The following DDHD2 variants were observed in gnomAD, a reference collection of about 807,000 sequenced individuals.
DDHD2 encodes triacylglycerol hydrolase DDHD2.
DDHD2 carries 62 observed loss-of-function variants against 91.2 expected under a neutral mutation model. The ratio of observed to expected loss-of-function variants is 0.68; its 90% CI spans 0.55 to 0.84. DDHD2 has a LOEUF of 0.84. DDHD2 is among the 40% of genes least tolerant of loss of function. DDHD2 has a pLI of 0.00. For missense variants in DDHD2, 740 were observed against 846.9 expected (o/e 0.87, Z 1.57); for synonymous variants, 271 against 293.9 (o/e 0.92, Z 0.80).
chr8:38,255,721 C>T (rs777768696), intron 16 of DDHD2, among the ~76,000 whole-genome samples: 4 of 151,560 alleles, frequency 2.6e-5, no homozygotes, highest in South Asian at 2.1e-4. Context: ...CATAGTCTTC[C>T]GTTATGTAAA....
chr8:38,233,454 T>G (rs977393245), intron 2 of DDHD2, among the ~76,000 whole-genome samples: 16 of 151,958 alleles, frequency 1.1e-4, no homozygotes, highest in Admixed American at 9.2e-4. Context: ...ACCCAATAAT[T>G]TTTTTTTCCT....
chr8:38,253,205 A>C, intron 15 of DDHD2, 78 bp downstream of exon 15: 1 of 1,343,456 alleles, frequency 7.4e-7, no homozygotes, highest in Non-Finnish European at 1.0e-6. Context: ...AGTTAATTTA[A>C]TTTAATTTCA....
intron 15 of DDHD2, 118 bp downstream of exon 15, chr8:38,253,245 T>A: frequency 8.6e-7 from 1 of 1,159,862 alleles, no homozygotes; most frequent in Non-Finnish European, 1.2e-6. Context: ...TATTGCATTC[T>A]TTTGCTTTAG....
intron 16 of DDHD2, among the ~76,000 whole-genome samples, chr8:38,258,034 G>A (rs1806670303): frequency 6.6e-6 from 1 of 152,030 alleles, no homozygotes; most frequent in Non-Finnish European, 1.5e-5. Flanking sequence ...TCACAGGCAT[G>A]ATCTTAGTGC....
chr8:38,238,519 A>G, intron 5 of DDHD2: 3 of 1,099,426 alleles, frequency 2.7e-6, no homozygotes, highest in Non-Finnish European at 3.3e-6. Flanking sequence ...AGAAATTTAT[A>G]CCTGGTAATA....
intron 1 of DDHD2, chr8:38,268,302 G>A (rs1808028744): frequency 2.2e-6 from 3 of 1,376,902 alleles, no homozygotes; most frequent in Admixed American, 2.0e-5. Flanking sequence ...GGCTCACCGT[G>A]GCTGAATCCC....
At chr8:38,236,343 T>G (rs1804748574) in intron 3 of DDHD2, among the ~76,000 whole-genome samples, 2 of 150,512 alleles carry the variant, frequency 1.3e-5, no homozygotes, top group African/African-American at 2.4e-5. Context: ...TTTTTTTGCT[T>G]TTTTTGTTTT....
At chr8:38,264,741 T>G (rs765132255), downstream of DDHD2, 204 of 1,447,920 alleles carry the variant, frequency 1.4e-4, 2 homozygotes, top group Admixed American at 1.2e-3. Flanking sequence ...ACTTATGATT[T>G]CTAAATAAAA....
intron 16 of DDHD2, among the ~76,000 whole-genome samples, chr8:38,254,573 T>A (rs2130859852): frequency 6.6e-6 from 1 of 152,206 alleles, no homozygotes; most frequent in South Asian, 2.1e-4. Flanking sequence ...GGTTTCGCCA[T>A]GTTGCCCAGG....
chr8:38,272,352 A>G (rs1442921605), downstream of DDHD2: 1 of 152,252 alleles, frequency 6.6e-6, no homozygotes, highest in Admixed American at 6.5e-5. Flanking sequence ...TAAAACAAAA[A>G]TGAAAATAAA....
intron 6 of DDHD2, chr8:38,242,023 C>T: frequency 7.5e-6 from 3 of 399,132 alleles, no homozygotes; most frequent in Non-Finnish European, 1.3e-5. Context: ...CACTGCACCC[C>T]AGCTTGGGTT....
At chr8:38,272,040 A>C (rs867442798), downstream of DDHD2, 2 of 152,274 alleles carry the variant, frequency 1.3e-5, no homozygotes, top group African/African-American at 4.8e-5. Context: ...CTCAAAAAGG[A>C]AATTCCACTT....
intron 10 of DDHD2, 75 bp downstream of exon 10, chr8:38,247,910 C>T: frequency 2.7e-6 from 3 of 1,129,046 alleles, no homozygotes; most frequent in Non-Finnish European, 3.7e-6. Context: ...TAAGAGCCTA[C>T]CCTTTAGACA....
downstream of DDHD2, chr8:38,263,819 G>T: frequency 1.0e-6 from 1 of 984,942 alleles, no homozygotes; most frequent in Non-Finnish European, 1.2e-6. Flanking sequence ...AGGCTTCTTT[G>T]TGACAAGATC....
At chr8:38,265,031 G>A, downstream of DDHD2, 2 of 938,324 alleles carry the variant, frequency 2.1e-6, no homozygotes, top group East Asian at 4.8e-5. Flanking sequence ...CACTTTGGGA[G>A]GACCAGGCAG....
downstream of DDHD2, chr8:38,267,827 C>T (rs140439097): frequency 1.6e-4 from 232 of 1,444,480 alleles, no homozygotes; most frequent in East Asian, 5.2e-3. Context: ...GTGGTGGACA[C>T]CATTAACCTC....
intron 1 of DDHD2, chr8:38,232,068 G>C (rs1484958329): frequency 6.5e-6 from 1 of 153,068 alleles, no homozygotes; most frequent in Non-Finnish European, 1.5e-5. Context: ...GACGACCTGA[G>C]CCCGAGCTCC....
At chr8:38,238,559 G>A in intron 5 of DDHD2, 1 of 1,040,564 alleles carries the variant, frequency 9.6e-7, no homozygotes, top group Non-Finnish European at 1.2e-6. Context: ...TTTCAACTAA[G>A]GAAAACTGTT....
intron 1 of DDHD2, chr8:38,269,322 G>A: frequency 1.9e-6 from 2 of 1,041,288 alleles, no homozygotes; most frequent in Non-Finnish European, 1.3e-6. Context: ...CCAGGAAGAC[G>A]GCCTGGCGGC....
Sources: gnomAD v4.1 joint callset for allele counts (sites outside exome capture counted in the v4.1 genomes callset) on GRCh38, gnomAD v4.1.1 for gene constraint, MANE v1.5 for transcripts, NCBI Gene and HGNC (gene_info 2026-07-23, HGNC 2026-07-21) for gene names.